The following TTBK2 variants were observed in gnomAD, a reference collection of about 807,000 sequenced individuals.
TTBK2 encodes the protein tau-tubulin kinase 2.
In TTBK2, 28 loss-of-function variants were observed where a neutral mutation model predicts 110.8. That is an observed-to-expected ratio of 0.25 (90% CI 0.19 to 0.35). The LOEUF (loss-of-function observed/expected upper bound fraction) is 0.35. Among genes scored for constraint, TTBK2 ranks in the 10% least tolerant of loss-of-function variants. TTBK2 has a pLI of 1.00. For synonymous variants in TTBK2, 532 were observed against 527.3 expected, an observed-to-expected ratio of 1.01 and a Z score of -0.12; for missense variants, 1,369 against 1,500.3, an observed-to-expected ratio of 0.91 and a Z score of 1.45.
intron 7 of TTBK2, 69 bp downstream of exon 7, chr15:42,816,963 A>C (rs1435164941): frequency 1.1e-6 from 1 of 872,282 alleles, no homozygotes; most frequent in Admixed American, 4.1e-5. Flanking sequence ...TAATAAAATA[A>C]AAAAGAAGTC....
At chr15:42,867,147 G>A (rs1894405380) in intron 3 of TTBK2, among the ~76,000 whole-genome samples, 1 of 151,882 alleles carries the variant, frequency 6.6e-6, no homozygotes, top group Non-Finnish European at 1.5e-5. Context: ...GGGAGGCTGA[G>A]GCAAGAGAAT....
intron 13 of TTBK2, among the ~76,000 whole-genome samples, chr15:42,763,181 T>TATATACAC (rs1889163221): frequency 4.0e-5 from 1 of 24,734 alleles, no homozygotes; most frequent in African/African-American, 2.0e-4. Context: ...TATATATATA[T>TATATACAC]ATATATATAT....
chr15:42,857,658 C>G (rs1414677426), intron 3 of TTBK2: 4 of 152,092 alleles, frequency 2.6e-5, no homozygotes. Context: ...TACTTTTCAA[C>G]AATACAGATC....
intron 6 of TTBK2, among the ~76,000 whole-genome samples, chr15:42,822,278 T>C (rs1350571980): frequency 1.3e-5 from 2 of 152,238 alleles, no homozygotes; most frequent in East Asian, 1.9e-4. Flanking sequence ...AGTTTTGATA[T>C]ATTTTTAATT....
chr15:42,918,695 C>T (rs1374517626), intron 1 of TTBK2, among the ~76,000 whole-genome samples: 3 of 152,156 alleles, frequency 2.0e-5, no homozygotes, highest in African/African-American at 7.2e-5. Context: ...TCTAGTATTA[C>T]ATTTAAAGAT....
chr15:42,832,345 T>C (rs975112742), intron 4 of TTBK2, among the ~76,000 whole-genome samples: 1 of 152,226 alleles, frequency 6.6e-6, no homozygotes, highest in Non-Finnish European at 1.5e-5. Context: ...ATGACATTAG[T>C]AATACTTTAA....
rs1396222744 is a variant in TTBK2 at position 42,816,110 on chromosome 15, ATATATATATG to A, written c.603+912_603+921del. Among the ~76,000 whole-genome samples, 5 of 123,300 alleles carry A rather than the reference ATATATATATG, an allele frequency of 4.1e-5. 1 individual carries two copies. The highest frequency in any genetic ancestry group is 1.7e-4 in the African/African-American group (5 of 29,280). The allele number at this position is 123,300 out of a possible 152,430, so 80.9% of individuals were successfully genotyped here. On this transcript the variant is annotated intron_variant, in intron 7 of 14. Coordinates refer to ENST00000267890, the MANE Select transcript of TTBK2 (RefSeq NM_173500.4). Reference sequence around the variant, plus strand: ...AATATATATATATATATATATATATATATATATATGTGTATATTTTTTTTGAGACAGAGTC... The same window carrying A: ...AATATATATATATATATATATATATATGTATATTTTTTTTGAGACAGAGTC...
At position 42,753,046 on chromosome 15, in the gene TTBK2, T is replaced by C; in HGVS notation, c.2200A>G (p.Ile734Val). ...AACATGTCATGACCAATGTGATCTA[T>C]CTGAAGCCCCAAATCTGTTCTGCTT... ...GGSRTDLGLQ[I>V]DHIGHDMLPN... Residue 734 changes from isoleucine (I) to valine (V), a missense_variant, in exon 14 of 15, where the codon ATA becomes GTA. Coordinates refer to ENST00000267890, the MANE Select transcript of TTBK2 (RefSeq NM_173500.4). 2.5e-6 allele frequency: 4 copies of C among 1,613,556 alleles called. No individual in the cohort carries two copies. The highest frequency in any genetic ancestry group is 1.1e-5 in the South Asian group (1 of 91,004).
At chr15:42,853,816 G>A (rs1893819813) in intron 3 of TTBK2, among the ~76,000 whole-genome samples, 1 of 152,106 alleles carries the variant, frequency 6.6e-6, no homozygotes, top group South Asian at 2.1e-4. Flanking sequence ...GGGAGGTGGA[G>A]GTTGCAGGGA....
chr15:42,916,897 G>T (rs1335893563), intron 1 of TTBK2, among the ~76,000 whole-genome samples: 1 of 151,818 alleles, frequency 6.6e-6, no homozygotes, highest in Non-Finnish European at 1.5e-5. Flanking sequence ...AAACCATTTT[G>T]GTAAAAACAT....
intron 1 of TTBK2, among the ~76,000 whole-genome samples, chr15:42,902,070 G>T (rs1482040474): frequency 1.3e-5 from 2 of 150,700 alleles, no homozygotes; most frequent in Non-Finnish European, 3.0e-5. Flanking sequence ...ACAAAAATTA[G>T]CCAGGCGTGG....
At chr15:42,768,914 C>A (rs540431054) in intron 13 of TTBK2, among the ~76,000 whole-genome samples, 1 of 152,174 alleles carries the variant, frequency 6.6e-6, no homozygotes, top group South Asian at 2.1e-4. Context: ...AAAACAGATA[C>A]ATAGACCAAT....
At chr15:42,873,778 T>C (rs1894705272) in intron 2 of TTBK2, among the ~76,000 whole-genome samples, 1 of 152,148 alleles carries the variant, frequency 6.6e-6, no homozygotes, top group Non-Finnish European at 1.5e-5. Flanking sequence ...TCAAGCTAGA[T>C]ACAGCAATTT....
In TTBK2 at chr15:42,754,003, A is replaced by G. The variant is rs145548037; in HGVS notation, c.1999-756T>C. 4.3e-3 allele frequency among the ~76,000 whole-genome samples: 656 copies of G among 152,206 alleles called. 3 individuals are homozygous for G. The highest frequency in any genetic ancestry group is 0.015 in the African/African-American group (620 of 41,524). On this transcript the variant is annotated intron_variant, in intron 13 of 14. Coordinates refer to ENST00000267890, the MANE Select transcript of TTBK2 (RefSeq NM_173500.4). Reference sequence around the variant, plus strand: ...CATTTTGTTGTTTTCCATAAATTCTATTAAATACTAGGATTATATCTTCCT... The same window carrying G: ...CATTTTGTTGTTTTCCATAAATTCTGTTAAATACTAGGATTATATCTTCCT...
intron 9 of TTBK2, among the ~76,000 whole-genome samples, chr15:42,798,448 G>C (rs1438856271): frequency 6.6e-6 from 1 of 152,096 alleles, no homozygotes; most frequent in Non-Finnish European, 1.5e-5. Flanking sequence ...TACATTTAGA[G>C]TCTAAGTTTC....
intron 1 of TTBK2, among the ~76,000 whole-genome samples, chr15:42,909,015 G>A (rs1265248549): frequency 6.6e-6 from 1 of 152,176 alleles, no homozygotes; most frequent in Non-Finnish European, 1.5e-5. Flanking sequence ...TAGCTCTAGA[G>A]GTCAGAAGTC....
At chr15:42,886,473 A>T (rs2141153012) in intron 1 of TTBK2, among the ~76,000 whole-genome samples, 1 of 152,324 alleles carries the variant, frequency 6.6e-6, no homozygotes, top group Admixed American at 6.5e-5. Context: ...AGGCCAGTTC[A>T]TGGCCCGTTT....
intron 6 of TTBK2, among the ~76,000 whole-genome samples, chr15:42,825,576 G>A (rs1892494448): frequency 6.6e-6 from 1 of 152,134 alleles, no homozygotes; most frequent in African/African-American, 2.4e-5. Flanking sequence ...TTAGCTGGGT[G>A]TGGTGGCGGG....
intron 12 of TTBK2, 173 bp downstream of exon 12, chr15:42,776,854 TAATA>T (rs1238241312): frequency 3.1e-6 from 2 of 654,474 alleles, no homozygotes; most frequent in Non-Finnish European, 5.2e-6. Flanking sequence ...ATCAGGATAA[TAATA>T]ATTAAAAACA....
Sources: gnomAD v4.1 joint callset for allele counts (sites outside exome capture counted in the v4.1 genomes callset) on GRCh38, gnomAD v4.1.1 for gene constraint, MANE v1.5 for transcripts, NCBI Gene and HGNC (gene_info 2026-07-23, HGNC 2026-07-21) for gene names.